RAB35: variants seen among roughly 807,000 people sequenced by gnomAD.
RAB35 encodes the protein RAB35, member RAS oncogene family.
Under a neutral mutation model 28.9 loss-of-function variants are expected in RAB35, and 4 were observed. That is an observed-to-expected ratio of 0.14 (90% CI 0.07 to 0.32). The LOEUF is 0.32. RAB35 is among the 10% of genes least tolerant of loss of function. RAB35 has a pLI of 1.00. For missense variants in RAB35, 128 were observed against 274.0 expected, an observed-to-expected ratio of 0.47 and a Z score of 3.76; for synonymous variants, 99 against 105.1, an observed-to-expected ratio of 0.94 and a Z score of 0.35.
intron 1 of RAB35, among the ~76,000 whole-genome samples, chr12:120,114,623 C>T (rs1876255653): frequency 6.6e-6 from 1 of 152,220 alleles, no homozygotes; most frequent in Admixed American, 6.5e-5. Flanking sequence ...AGCACAGCAT[C>T]CATCTCCTCT....
chr12:120,101,791 C>T (rs903459466), intron 3 of RAB35, among the ~76,000 whole-genome samples: 1 of 152,240 alleles, frequency 6.6e-6, no homozygotes, highest in African/African-American at 2.4e-5. Context: ...TTCCCAAGCC[C>T]CTGGGGAAAA....
Position 120,096,922 on chromosome 12 carries a change from A to G in RAB35, c.*323T>C, listed in dbSNP as rs750279830. 1.2e-5 allele frequency: 16 copies of G among 1,342,872 alleles called. No individual in the cohort carries two copies. The South Asian group carries it at 2.0e-4, about 16-fold the overall frequency. The allele number at this position is 1,342,872 out of a possible 1,614,324, so 83.2% of individuals were successfully genotyped here. ...TCAAGAAGGCAAAAGCCAGAGCAGGACGTGGTGTGCGGCCGGGTAGAGCAA... is the reference window on the plus strand; with the variant it reads ...TCAAGAAGGCAAAAGCCAGAGCAGGGCGTGGTGTGCGGCCGGGTAGAGCAA... On this transcript the variant is annotated 3_prime_UTR_variant, in exon 6 of 6. Coordinates refer to ENST00000229340, the MANE Select transcript of RAB35 (RefSeq NM_006861.7).
rs73410866 is a variant in RAB35, at chr12:120,103,553, G to A, written c.227+273C>T. ...TAAGGTGACGGCACAGTGGGCCGGA[G>A]GGTCGGCTGACTCTCCAAGGAGATA... On this transcript the variant is annotated intron_variant, in intron 3 of 5. Coordinates refer to ENST00000229340, the MANE Select transcript of RAB35 (RefSeq NM_006861.7). The surrounding 1 kb of genome is among the most constrained non-coding windows in gnomAD (Gnocchi z 6.1). 0.096 allele frequency among the ~76,000 whole-genome samples: 14,633 copies of A among 152,242 alleles called. 942 individuals are homozygous for A. The highest frequency in any genetic ancestry group is 0.18 in the African/African-American group (7,488 of 41,502).
intron 2 of RAB35, among the ~76,000 whole-genome samples, chr12:120,107,065 T>C (rs1204311972): frequency 2.0e-5 from 3 of 152,066 alleles, no homozygotes; most frequent in East Asian, 1.9e-4. Flanking sequence ...CTCAGCTCAC[T>C]GCAACCTCCC....
In RAB35 at chr12:120,103,492, C is replaced by G. The variant is rs796779623; in HGVS notation, c.227+334G>C. On this transcript the variant is annotated intron_variant, in intron 3 of 5. Coordinates refer to ENST00000229340, the MANE Select transcript of RAB35 (RefSeq NM_006861.7). The surrounding 1 kb of genome is among the most constrained non-coding windows in gnomAD (Gnocchi z 6.1). ...CCTGGGTGGGCAAGGCACTTCGCAACCCCCTAGCGAGGCAAATGCTATTCT... is the reference window on the plus strand; with the variant it reads ...CCTGGGTGGGCAAGGCACTTCGCAAGCCCCTAGCGAGGCAAATGCTATTCT... Among the ~76,000 whole-genome samples the G allele has an allele frequency of 4.6e-5, 7 of 152,340 alleles. No homozygotes were observed. The highest frequency in any genetic ancestry group is 1.7e-4 in the African/African-American group (7 of 41,562).
At chr12:120,116,523 C>T (rs1243834769) in intron 1 of RAB35, 76 bp downstream of exon 1, 1 of 940,890 alleles carries the variant, frequency 1.1e-6, no homozygotes, top group East Asian at 1.2e-4. Context: ...CACCTCCCCG[C>T]CCGCCTGCCG....
intron 3 of RAB35, among the ~76,000 whole-genome samples, chr12:120,100,849 G>C (rs977719472): frequency 6.6e-6 from 1 of 152,220 alleles, no homozygotes; most frequent in Non-Finnish European, 1.5e-5. Flanking sequence ...ACATGGCATG[G>C]TGTGTCAGAC....
chr12:120,106,599 T>C (rs971924516), intron 2 of RAB35, among the ~76,000 whole-genome samples: 3 of 149,394 alleles, frequency 2.0e-5, no homozygotes, highest in African/African-American at 7.4e-5. Flanking sequence ...TTCTTTTTTT[T>C]TTTTTTTTTT....
rs766405921 is a variant in RAB35, at chr12:120,108,473, A to C, written c.53-6T>G. ...TAAACTGCTCTTGCCCACACCTGCA[A>C]GAGAGAAAGCACTGCGATGAGGGGG... On this transcript the variant is annotated splice_region_variant and splice_polypyrimidine_tract_variant and intron_variant, in intron 1 of 5. Transcript: ENST00000229340. The C allele has an allele frequency of 1.2e-6, 2 of 1,613,822 alleles. No individual in the cohort carries two copies. Among genetic ancestry groups the C allele is most frequent in the Admixed American group, 3.3e-5 (2 of 60,030 alleles).
chr12:120,097,945 G>GT, intron 5 of RAB35, among the ~76,000 whole-genome samples: 1 of 148,646 alleles, frequency 6.7e-6, no homozygotes, highest in Non-Finnish European at 1.5e-5. Context: ...GTGCAGTGGC[G>GT]TGATCTCAGC....
In RAB35 at chr12:120,116,708, A is replaced by T; in HGVS notation, c.-58T>A. 1 of 1,216,272 alleles carries T rather than the reference A, an allele frequency of 8.2e-7. No homozygotes were observed. Among genetic ancestry groups the T allele is most frequent in the Non-Finnish European group, 1.0e-6 (1 of 977,702 alleles). 75.3% of individuals were successfully genotyped at this position (1,216,272 alleles called of 1,614,324 possible). On this transcript the variant is annotated 5_prime_UTR_variant, in exon 1 of 6. Transcript: ENST00000229340. The stretch of plus-strand genomic sequence containing the variant: ...GGTCGGTACTGGCCTCGCGATCCGC[A>T]GCTCCCTTCGGGCTGCTCCGGCAGC...
chr12:120,115,575 A>G (rs1311573917), intron 1 of RAB35, among the ~76,000 whole-genome samples: 1 of 152,094 alleles, frequency 6.6e-6, no homozygotes. Flanking sequence ...CCACACTCCA[A>G]ACAGCTCTAA....
In RAB35 at chr12:120,095,686, T is replaced by A. The variant is rs1875352741; in HGVS notation, c.*1559A>T. Reference sequence around the variant, plus strand: ...CCCACCCCATCCCGTGGCTCCAAAGTGAAGGCCTGTCCCAGAATCACCAGC... The same window carrying A: ...CCCACCCCATCCCGTGGCTCCAAAGAGAAGGCCTGTCCCAGAATCACCAGC... On this transcript the variant is annotated 3_prime_UTR_variant, in exon 6 of 6. Coordinates refer to ENST00000229340, the MANE Select transcript of RAB35 (RefSeq NM_006861.7). 1.3e-5 allele frequency: 2 copies of A among 151,714 alleles called. No individual in the cohort carries two copies. The highest frequency in any genetic ancestry group is 4.8e-5 in the African/African-American group (2 of 41,238). The allele number at this position is 151,714 out of a possible 1,614,324, so 9.4% of individuals were successfully genotyped here. A position where few individuals can be genotyped will look rare whatever the true frequency, so the allele number is the denominator to read the frequency against.
chr12:120,107,798 C>G (rs1875947035), intron 2 of RAB35, among the ~76,000 whole-genome samples: 2 of 134,748 alleles, frequency 1.5e-5, no homozygotes, highest in South Asian at 4.6e-4. Context: ...ACCCAGGAGG[C>G]AGAGGTTGCA....
At chr12:120,111,111 G>C (rs753306098) in intron 1 of RAB35, among the ~76,000 whole-genome samples, 1 of 152,226 alleles carries the variant, frequency 6.6e-6, no homozygotes. Context: ...CCAGCACTTA[G>C]TAGGTGCCAA....
In RAB35 at chr12:120,096,837, T is replaced by G; in HGVS notation, c.*408A>C. The stretch of plus-strand genomic sequence containing the variant: ...ACGTGCCGCTGTCTCCTCAGGACGC[T>G]GCTTGCAGTAAGATGGGCTGGGGAG... On this transcript the variant is annotated 3_prime_UTR_variant, in exon 6 of 6. Transcript: ENST00000229340. 1 of 1,296,274 alleles carries G rather than the reference T, an allele frequency of 7.7e-7. No homozygotes were observed. The highest frequency in any genetic ancestry group is 1.0e-6 in the Non-Finnish European group (1 of 993,212). 80.3% of individuals were successfully genotyped at this position (1,296,274 alleles called of 1,614,324 possible). A position where few individuals can be genotyped will look rare whatever the true frequency, so the allele number is the denominator to read the frequency against.
At position 120,095,193 on chromosome 12, in the gene RAB35, GGT is replaced by G. The variant is rs1875316551; in HGVS notation, c.*2050_*2051del. ...TACTCCTAGCAAACCATTGAAAAGT[GGT>G]GTTTGTTTGACAGGAATTTCACATC... On this transcript the variant is annotated 3_prime_UTR_variant, in exon 6 of 6. Transcript: ENST00000229340. The G allele has an allele frequency of 6.6e-6, 1 of 152,580 alleles. No individual in the cohort carries two copies. Among genetic ancestry groups the G allele is most frequent in the South Asian group, 2.1e-4 (1 of 4,832 alleles). The allele number at this position is 152,580 out of a possible 1,614,324, so 9.5% of individuals were successfully genotyped here. A position where few individuals can be genotyped will look rare whatever the true frequency, so the allele number is the denominator to read the frequency against.
intron 3 of RAB35, among the ~76,000 whole-genome samples, chr12:120,100,383 C>T (rs1392856885): frequency 2.6e-5 from 4 of 152,254 alleles, no homozygotes; most frequent in African/African-American, 9.6e-5. Flanking sequence ...TTATAGCACA[C>T]AGGTGGCTAG....
chr12:120,106,507 T>C (rs1365307452), intron 2 of RAB35, among the ~76,000 whole-genome samples: 1 of 152,092 alleles, frequency 6.6e-6, no homozygotes, highest in Non-Finnish European at 1.5e-5. Flanking sequence ...ACTAGTGAGA[T>C]TGCAGGGACA....
Sources: gnomAD v4.1 joint callset for allele counts (sites outside exome capture counted in the v4.1 genomes callset) on GRCh38, gnomAD v4.1.1 for gene constraint, Gnocchi (gnomAD v3.1) non-coding constraint, MANE v1.5 for transcripts, NCBI Gene and HGNC (gene_info 2026-07-23, HGNC 2026-07-21) for gene names.